The following DEDD2 variants were observed in gnomAD, a reference collection of about 807,000 sequenced individuals.
DEDD2 encodes death effector domain containing 2, also known as DNA-binding death effector domain-containing protein 2.
DEDD2 carries 18 observed loss-of-function variants against 28.9 expected under a neutral mutation model. That is an observed-to-expected ratio of 0.62 (90% CI 0.43 to 0.92). The LOEUF (loss-of-function observed/expected upper bound fraction) is 0.92, where lower values mean the gene tolerates loss of function less well. Ranked by LOEUF, DEDD2 falls within the 40% of genes least tolerant of loss-of-function variation. The pLI is 0.00. For missense variants in DEDD2, 411 were observed against 463.3 expected, an observed-to-expected ratio of 0.89 and a Z score of 1.04; for synonymous variants, 211 against 206.1, an observed-to-expected ratio of 1.02 and a Z score of -0.20.
intron 3 of DEDD2, among the ~76,000 whole-genome samples, chr19:42,213,727 G>A (rs951518530): frequency 4.6e-5 from 7 of 152,118 alleles, no homozygotes; most frequent in Non-Finnish European, 7.4e-5. Flanking sequence ...CAAAACAACC[G>A]GCCTGCTAGG....
chr19:42,206,776 TC>T (rs977694788), intron 4 of DEDD2, among the ~76,000 whole-genome samples: 10 of 152,292 alleles, frequency 6.6e-5, no homozygotes, highest in African/African-American at 2.4e-4. Context: ...GTCACAGGTA[TC>T]ACAGGTGAGG....
rs1057211414 is a variant in DEDD2 at position 42,217,667 on chromosome 19, C to A, written c.-74G>T. On this transcript the variant is annotated 5_prime_UTR_variant, in exon 1 of 5. Coordinates refer to ENST00000596251, the MANE Select transcript of DEDD2 (RefSeq NM_133328.4). ...CGTCCGATGACTCCTGGGCGACGGC[C>A]GCAGCCACTTGTTTTGGATCTTTCT... 2 of 152,604 alleles carry A rather than the reference C, an allele frequency of 1.3e-5. No individual in the cohort carries two copies. The highest frequency in any genetic ancestry group is 3.8e-4 in the East Asian group (2 of 5,196). The allele number at this position is 152,604 out of a possible 1,614,324, so 9.5% of individuals were successfully genotyped here. A position where few individuals can be genotyped will look rare whatever the true frequency, so the allele number is the denominator to read the frequency against.
upstream of DEDD2, chr19:42,220,100 A>T (rs1273021134): frequency 6.6e-6 from 1 of 152,224 alleles, no homozygotes; most frequent in Non-Finnish European, 1.5e-5. Flanking sequence ...TTCTCTACAG[A>T]ACTTGCCGAC....
chr19:42,215,042 G>T, intron 3 of DEDD2, 91 bp downstream of exon 3: 2 of 1,539,956 alleles, frequency 1.3e-6, no homozygotes, highest in Non-Finnish European at 8.8e-7. Context: ...GTGAAAATGA[G>T]ACAGAATAAC....
upstream of DEDD2, among the ~76,000 whole-genome samples, chr19:42,218,094 C>G (rs545347713): frequency 2.6e-5 from 4 of 152,232 alleles, no homozygotes; most frequent in East Asian, 3.9e-4. Flanking sequence ...TCACTACTTT[C>G]CCGTCTCCCA....
intron 3 of DEDD2, 148 bp from the exon 4 acceptor site, chr19:42,209,988 G>T: frequency 8.8e-7 from 1 of 1,136,506 alleles, no homozygotes; most frequent in Non-Finnish European, 1.2e-6. Context: ...CTGTCTAAAA[G>T]ATGAAGAGTA....
intron 4 of DEDD2, among the ~76,000 whole-genome samples, chr19:42,204,926 G>C (rs952553317): frequency 6.6e-6 from 1 of 152,188 alleles, no homozygotes; most frequent in Non-Finnish European, 1.5e-5. Flanking sequence ...ACTGAATTGA[G>C]GCAATGAGGA....
Position 42,198,893 on chromosome 19 carries a change from A to C in DEDD2, c.*545T>G. 6.5e-6 allele frequency: 1 copy of C among 153,588 alleles called. No homozygotes were observed. The highest frequency in any genetic ancestry group is 1.4e-5 in the Non-Finnish European group (1 of 69,004). The allele number at this position is 153,588 out of a possible 1,614,324, so 9.5% of individuals were successfully genotyped here. A position where few individuals can be genotyped will look rare whatever the true frequency, so the allele number is the denominator to read the frequency against. On this transcript the variant is annotated 3_prime_UTR_variant, in exon 5 of 5. Transcript: ENST00000596251. Reference sequence around the variant, plus strand: ...CCTGGCTGGCTGGAGATGTGTGGGCAAGGTGAGCAGGCCCCATGTGCACCC... The same window carrying C: ...CCTGGCTGGCTGGAGATGTGTGGGCCAGGTGAGCAGGCCCCATGTGCACCC...
At position 42,209,813 on chromosome 19, in the gene DEDD2, C is replaced by T. The variant is rs749103293; in HGVS notation, c.476G>A (p.Arg159Gln). ...ACCACCACTGGGCCGGCCCCGACTCCGCCGCTGCCGCTTGGTTGGGGGGGA... is the reference window on the plus strand; with the variant it reads ...ACCACCACTGGGCCGGCCCCGACTCTGCCGCTGCCGCTTGGTTGGGGGGGA... ...TGSPPTKRQRRSRGRPSGGAR... is the reference protein window; with the variant it reads ...TGSPPTKRQRQSRGRPSGGAR... Residue 159 changes from arginine (R) to glutamine (Q), a missense_variant, in exon 4 of 5, where the codon CGG (arginine) becomes CAG (glutamine). This residue lies in a region of DEDD2 where 282 missense variants were observed against 273.4 expected (regional missense o/e 1.03). Coordinates refer to ENST00000596251, the MANE Select transcript of DEDD2 (RefSeq NM_133328.4). The T allele has an allele frequency of 4.5e-6, 7 of 1,554,038 alleles. No individual in the cohort carries two copies. Among genetic ancestry groups the T allele is most frequent in the Middle Eastern group, 1.7e-4 (1 of 5,794 alleles).
rs1212179446 is a variant in DEDD2, at chr19:42,205,918, TA to T, written c.589+3781del. Among the ~76,000 whole-genome samples, 5 of 151,980 alleles carry T rather than the reference TA, an allele frequency of 3.3e-5. No homozygotes were observed. The East Asian group carries it at 9.7e-4, about 29-fold the overall frequency. On this transcript the variant is annotated intron_variant, in intron 4 of 4. Transcript: ENST00000596251. ...GGGCAACAGGGCAAGATCCTGCCTC[TA>T]AAAAAACACACAGAAATTAGCCAGG... is the stretch of plus-strand genomic sequence containing the variant.
At position 42,199,409 on chromosome 19, in the gene DEDD2, G is replaced by A; in HGVS notation, c.*29C>T. Reference sequence around the variant, plus strand: ...CAGGAGAAGGTGGCCCGGAGACTTGGAGGTGGGATCAATCCTGCCAGTCCT... The same window carrying A: ...CAGGAGAAGGTGGCCCGGAGACTTGAAGGTGGGATCAATCCTGCCAGTCCT... On this transcript the variant is annotated 3_prime_UTR_variant, in exon 5 of 5. Coordinates refer to ENST00000596251, the MANE Select transcript of DEDD2 (RefSeq NM_133328.4). The surrounding 1 kb of genome is among the most constrained non-coding windows in gnomAD (Gnocchi z 7.4). 6.5e-7 allele frequency: 1 copy of A among 1,546,656 alleles called. No homozygotes were observed. The highest frequency in any genetic ancestry group is 8.7e-7 in the Non-Finnish European group (1 of 1,152,594).
chr19:42,200,202 TC>T (rs2035276389), intron 4 of DEDD2, among the ~76,000 whole-genome samples: 2 of 152,148 alleles, frequency 1.3e-5, no homozygotes, highest in African/African-American at 4.8e-5. Flanking sequence ...GCATGCCAGG[TC>T]CCACACCCTG....
chr19:42,201,827 C>A (rs1026148079), intron 4 of DEDD2: 6 of 394,456 alleles, frequency 1.5e-5, no homozygotes, highest in African/African-American at 1.2e-4. Flanking sequence ...TCTACCCAGA[C>A]GACCAGATCC....
At chr19:42,218,243 C>G (rs1171187303), upstream of DEDD2, among the ~76,000 whole-genome samples, 1 of 151,356 alleles carries the variant, frequency 6.6e-6, no homozygotes, top group African/African-American at 2.4e-5. Flanking sequence ...CCCCCACCAC[C>G]ACCCCCGCAG....
chr19:42,216,557 G>A (rs953662048), intron 2 of DEDD2, 123 bp downstream of exon 2: 31 of 977,810 alleles, frequency 3.2e-5, no homozygotes, highest in African/African-American at 5.1e-5. Context: ...TGGGAAGAGA[G>A]AGTAGCAGAA....
chr19:42,217,123 C>T, intron 1 of DEDD2, 78 bp from the exon 2 acceptor site: 2 of 1,170,018 alleles, frequency 1.7e-6, no homozygotes, highest in Non-Finnish European at 2.4e-6. Context: ...CGCGTCTCCC[C>T]CGCCCAATCG....
intron 2 of DEDD2, 141 bp downstream of exon 2, chr19:42,216,539 T>G (rs903091948): frequency 1.0e-5 from 9 of 873,152 alleles, no homozygotes; most frequent in Admixed American, 3.2e-5. Flanking sequence ...TGTTGCTCAT[T>G]GATATTGTGG....
In DEDD2 at chr19:42,199,953, G is replaced by C; in HGVS notation, c.590-124C>G. The C allele has an allele frequency of 7.2e-7, 1 of 1,391,208 alleles. No homozygotes were observed. The highest frequency in any genetic ancestry group is 9.6e-7 in the Non-Finnish European group (1 of 1,046,860). The allele number at this position is 1,391,208 out of a possible 1,614,324, so 86.2% of individuals were successfully genotyped here. On this transcript the variant is annotated intron_variant, in intron 4 of 4. Coordinates refer to ENST00000596251, the MANE Select transcript of DEDD2 (RefSeq NM_133328.4). This position sits in a 1 kb window ranked among gnomAD's most constrained non-coding sequence, Gnocchi z 7.4. ...CTTCCGGTAGCCACACCCTAGTCCT[G>C]ACACAGCCTCCCCGGCTCTGTGGGG...
rs1208791899 is a variant in DEDD2 at position 42,217,121 on chromosome 19, C to G, written c.-38-76G>C. 3 of 1,187,658 alleles carry G rather than the reference C, an allele frequency of 2.5e-6. No individual in the cohort carries two copies. In the Admixed American group the frequency reaches 6.8e-5, roughly 27 times the overall value. The allele number at this position is 1,187,658 out of a possible 1,614,324, so 73.6% of individuals were successfully genotyped here. On this transcript the variant is annotated intron_variant, in intron 1 of 4. Coordinates refer to ENST00000596251, the MANE Select transcript of DEDD2 (RefSeq NM_133328.4). The stretch of plus-strand genomic sequence containing the variant: ...GAACCCCACACCGCCAGCGCGTCTC[C>G]CCCGCCCAATCGCGCCGGGCAGGGC...
Sources: allele counts gnomAD v4.1 joint callset (sites outside exome capture counted in the v4.1 genomes callset), GRCh38; gene constraint gnomAD v4.1.1; regional missense constraint gnomAD v4.1.1; non-coding constraint Gnocchi (gnomAD v3.1); transcripts MANE v1.5; gene names NCBI Gene and HGNC (gene_info 2026-07-23, HGNC 2026-07-21).